CHN2: variants seen among roughly 807,000 people sequenced by gnomAD.
CHN2 encodes the protein beta-chimaerin.
A neutral mutation model predicts 56.3 loss-of-function variants in CHN2; 35 were observed. The observed-to-expected ratio is 0.62, with a 90% CI of 0.47 to 0.82. CHN2 has a LOEUF of 0.82. Ranked by LOEUF, CHN2 falls within the 40% of genes least tolerant of loss-of-function variation. The probability of loss-of-function intolerance (pLI) is 0.00; values close to 1 mark genes in which losing one functional copy is unlikely to be tolerated. For missense variants in CHN2, 491 were observed against 580.5 expected (o/e 0.85, Z 1.58); for synonymous variants, 210 against 212.8 (o/e 0.99, Z 0.12).
chr7:29,349,781 A>T (rs917334440), intron 1 of CHN2, among the ~76,000 whole-genome samples: 8 of 152,352 alleles, frequency 5.3e-5, no homozygotes, highest in African/African-American at 1.9e-4. Context: ...CTAAAAATAT[A>T]TAACTGTCTT....
intron 1 of CHN2, among the ~76,000 whole-genome samples, chr7:29,330,734 C>T (rs1321787155): frequency 6.6e-6 from 1 of 152,142 alleles, no homozygotes; most frequent in Non-Finnish European, 1.5e-5. Flanking sequence ...TGCTTGTGCT[C>T]AGAATACATC....
At chr7:29,480,442 T>C in intron 7 of CHN2, 86 bp downstream of exon 7, 1 of 1,364,854 alleles carries the variant, frequency 7.3e-7, no homozygotes, top group Non-Finnish European at 1.0e-6. Flanking sequence ...TTTCTGACTG[T>C]AAAGTCAAGA....
At chr7:29,252,187 ATTTTTTTTTTT>A (rs3046893) in intron 1 of CHN2, among the ~76,000 whole-genome samples, 2 of 113,930 alleles carry the variant, frequency 1.8e-5, no homozygotes, top group African/African-American at 3.5e-5. Flanking sequence ...ATTATACAGG[ATTTTTTTTTTT>A]TTTTTTTTTT....
At chr7:29,380,161 A>G (rs1742531516) in intron 3 of CHN2, among the ~76,000 whole-genome samples, 1 of 152,190 alleles carries the variant, frequency 6.6e-6, no homozygotes, top group African/African-American at 2.4e-5. Flanking sequence ...AGGCAAAGAT[A>G]CAATTCCACC....
rs774157012 is a variant in CHN2, at chr7:29,194,925, G to GC, written c.-16dup. On this transcript the variant is annotated 5_prime_UTR_variant, in exon 1 of 13. Coordinates refer to ENST00000222792, the MANE Select transcript of CHN2 (RefSeq NM_004067.4). ...GCACCGGGGCTGAGCGAGCAGCGAC[G>GC]CGAGGGGCGCGCGGAGATGGCAGCG... is the stretch of plus-strand genomic sequence containing the variant. 14 of 1,556,352 alleles carry GC rather than the reference G, an allele frequency of 9.0e-6. No homozygotes were observed. The highest frequency in any genetic ancestry group is 9.5e-6 in the Non-Finnish European group (11 of 1,155,976).
chr7:29,293,010 C>T (rs2128870555), intron 1 of CHN2: 1 of 456,300 alleles, frequency 2.2e-6, no homozygotes, highest in Non-Finnish European at 4.4e-6. Context: ...CAGAGCCAGC[C>T]TCTGCATGCT....
chr7:29,465,764 C>T (rs1025899715), intron 6 of CHN2, among the ~76,000 whole-genome samples: 5 of 152,210 alleles, frequency 3.3e-5, no homozygotes, highest in Admixed American at 2.6e-4. Flanking sequence ...TCTTACACAA[C>T]TCTTCAGGAG....
chr7:29,476,873 T>C (rs967872298), intron 6 of CHN2, among the ~76,000 whole-genome samples: 2 of 152,188 alleles, frequency 1.3e-5, no homozygotes, highest in African/African-American at 4.8e-5. Context: ...TGAGAATCCC[T>C]GGTTCAAACA....
chr7:29,362,711 C>T (rs1255510539), intron 2 of CHN2, among the ~76,000 whole-genome samples: 1 of 152,188 alleles, frequency 6.6e-6, no homozygotes, highest in Non-Finnish European at 1.5e-5. Context: ...CTGCAGAACC[C>T]TTCTAATCCT....
intron 2 of CHN2, among the ~76,000 whole-genome samples, chr7:29,367,192 G>A (rs1307100340): frequency 1.3e-5 from 2 of 151,968 alleles, no homozygotes; most frequent in Non-Finnish European, 2.9e-5. Flanking sequence ...CACTCATTAT[G>A]TTCCGAAAAA....
intron 1 of CHN2, among the ~76,000 whole-genome samples, chr7:29,338,964 CATG>C (rs1438163597): frequency 1.3e-5 from 2 of 152,162 alleles, no homozygotes; most frequent in African/African-American, 2.4e-5. Context: ...AAGATATCTA[CATG>C]ATATCTGTCA....
At chr7:29,343,307 G>C (rs1332955304) in intron 1 of CHN2, among the ~76,000 whole-genome samples, 1 of 152,186 alleles carries the variant, frequency 6.6e-6, no homozygotes, top group African/African-American at 2.4e-5. Flanking sequence ...CGGGAGAGAG[G>C]GAGATCAGGG....
chr7:29,222,937 T>A (rs1785918089), intron 1 of CHN2, among the ~76,000 whole-genome samples: 2 of 152,194 alleles, frequency 1.3e-5, no homozygotes, highest in Non-Finnish European at 2.9e-5. Flanking sequence ...TCAGCAGTAA[T>A]GGTTACAGAT....
At chr7:29,319,953 G>A (rs1371145247) in intron 1 of CHN2, among the ~76,000 whole-genome samples, 1 of 151,982 alleles carries the variant, frequency 6.6e-6, no homozygotes, top group Non-Finnish European at 1.5e-5. Flanking sequence ...CTGCATTTTC[G>A]TGACTCTTTA....
rs370238418 is a variant in CHN2 at position 29,443,030 on chromosome 7, T to TC, written c.577-37246dup. Among the ~76,000 whole-genome samples, 132 of 147,740 alleles carry TC rather than the reference T, an allele frequency of 8.9e-4. 1 individual carries two copies. The highest frequency in any genetic ancestry group is 3.2e-3 in the African/African-American group (126 of 39,246). ...ATCTCGGCTCACTGCAAACTCCGCT[T>TC]CCCGGGTTCACGCCATTCTCCTGCC... On this transcript the variant is annotated intron_variant, in intron 6 of 12. Coordinates refer to ENST00000222792, the MANE Select transcript of CHN2 (RefSeq NM_004067.4).
At position 29,273,347 on chromosome 7, in the gene CHN2, A is replaced by ATATATATGTG. The variant is rs1236262921; in HGVS notation, c.49+78364_49+78365insGTGTATATAT. 5.7e-3 allele frequency among the ~76,000 whole-genome samples: 210 copies of ATATATATGTG among 37,058 alleles called. 1 individual carries two copies. Among genetic ancestry groups the ATATATATGTG allele is most frequent in the African/African-American group, 0.025 (204 of 8,020 alleles). The allele number at this position is 37,058 out of a possible 152,430, so 24.3% of individuals were successfully genotyped here. A position where few individuals can be genotyped will look rare whatever the true frequency, so the allele number is the denominator to read the frequency against. On this transcript the variant is annotated intron_variant, in intron 1 of 12. Transcript: ENST00000222792. ...CATGCATATATATATATATGTGTAT[A>ATATATATGTG]TATATATATATATATATATATATAT... is the stretch of plus-strand genomic sequence containing the variant.
chr7:29,207,324 T>C (rs1784592389), intron 1 of CHN2, among the ~76,000 whole-genome samples: 1 of 152,124 alleles, frequency 6.6e-6, no homozygotes, highest in Non-Finnish European at 1.5e-5. Context: ...TCTCTTCCCC[T>C]TTTCATTTCC....
chr7:29,453,865 G>A (rs998596232), intron 6 of CHN2, among the ~76,000 whole-genome samples: 5 of 152,122 alleles, frequency 3.3e-5, no homozygotes, highest in African/African-American at 1.2e-4. Flanking sequence ...AGTCAGCTTT[G>A]TACCTGCTTT....
Position 29,442,276 on chromosome 7 carries a change from A to G in CHN2, c.577-38003A>G, listed in dbSNP as rs17157987. ...ATTAGTTGTAACTCCCCATCAGGTC[A>G]GATTCTCATGACTCAAATGGGTGCA... On this transcript the variant is annotated intron_variant, in intron 6 of 12. Transcript: ENST00000222792. Among the ~76,000 whole-genome samples the G allele has an allele frequency of 6.7e-3, 1,024 of 152,302 alleles. 16 individuals are homozygous for G. The highest frequency in any genetic ancestry group is 0.023 in the African/African-American group (970 of 41,560).
Sources: gnomAD v4.1 joint callset for allele counts (sites outside exome capture counted in the v4.1 genomes callset) on GRCh38, gnomAD v4.1.1 for gene constraint, MANE v1.5 for transcripts, NCBI Gene and HGNC (gene_info 2026-07-23, HGNC 2026-07-21) for gene names.